Variants in VAT1L observed in about 807,000 individuals in gnomAD.
VAT1L encodes putative NADPH-dependent quinone oxidoreductase VAT1L.
In VAT1L, 34 loss-of-function variants were observed where a neutral mutation model predicts 44.1. That is an observed-to-expected ratio of 0.77 (90% confidence interval 0.59 to 1.03). VAT1L has a LOEUF of 1.03. VAT1L is among the 50% of genes least tolerant of loss of function. The pLI is 0.00. For missense variants in VAT1L, 615 were observed against 538.8 expected, an observed-to-expected ratio of 1.14 and a Z score of -1.40; for synonymous variants, 253 against 202.2, an observed-to-expected ratio of 1.25 and a Z score of -2.13.
At chr16:77,936,658 C>T (rs527454086) in intron 7 of VAT1L, among the ~76,000 whole-genome samples, 80 of 152,290 alleles carry the variant, frequency 5.3e-4, no homozygotes, top group Non-Finnish European at 9.3e-4. Flanking sequence ...CACTTCCTGC[C>T]TCACAGTTTG....
intron 4 of VAT1L, among the ~76,000 whole-genome samples, chr16:77,867,172 A>G (rs2016983586): frequency 6.6e-6 from 1 of 152,112 alleles, no homozygotes; most frequent in African/African-American, 2.4e-5. Context: ...GAGGTGTGTG[A>G]GTCTGTCAGC....
At chr16:77,799,336 C>T (rs1164201833) in intron 1 of VAT1L, among the ~76,000 whole-genome samples, 8 of 150,824 alleles carry the variant, frequency 5.3e-5, no homozygotes, top group Non-Finnish European at 3.0e-5. Flanking sequence ...TTTTCTCCCT[C>T]CCACTTTCTC....
intron 3 of VAT1L, among the ~76,000 whole-genome samples, chr16:77,856,875 C>T (rs1177952885): frequency 6.6e-6 from 1 of 152,234 alleles, no homozygotes; most frequent in Non-Finnish European, 1.5e-5. Context: ...CGGATACCTG[C>T]ATTTGACTTC....
At chr16:77,932,878 G>T (rs397225) in intron 7 of VAT1L, among the ~76,000 whole-genome samples, 1 of 152,188 alleles carries the variant, frequency 6.6e-6, no homozygotes, top group Non-Finnish European at 1.5e-5. Flanking sequence ...GAGATAGCTC[G>T]CAGGAGAATG....
At chr16:77,972,174 A>G (rs1349459778) in intron 8 of VAT1L, among the ~76,000 whole-genome samples, 1 of 152,214 alleles carries the variant, frequency 6.6e-6, no homozygotes, top group Admixed American at 6.5e-5. Context: ...CATAGGCAGG[A>G]AAGCATAGCA....
At chr16:77,854,014 G>A (rs971912795) in intron 3 of VAT1L, among the ~76,000 whole-genome samples, 3 of 151,982 alleles carry the variant, frequency 2.0e-5, no homozygotes, top group African/African-American at 7.3e-5. Context: ...TGTAGTCCCA[G>A]CTACTTGAGC....
chr16:77,792,640 T>C (rs1259654979), intron 1 of VAT1L, among the ~76,000 whole-genome samples: 1 of 151,976 alleles, frequency 6.6e-6, no homozygotes, highest in African/African-American at 2.4e-5. Context: ...TGAGCAAAAT[T>C]CTCTAGGGAA....
intron 7 of VAT1L, among the ~76,000 whole-genome samples, chr16:77,912,383 G>A (rs372040372): frequency 1.3e-5 from 2 of 152,222 alleles, no homozygotes; most frequent in African/African-American, 4.8e-5. Context: ...ATGGGAAAAT[G>A]TTAATAATGG....
chr16:77,916,354 C>T (rs372222306), intron 7 of VAT1L, among the ~76,000 whole-genome samples: 5 of 152,298 alleles, frequency 3.3e-5, no homozygotes, highest in African/African-American at 1.2e-4. Context: ...TTCAGAAGAT[C>T]AGAATTCAGG....
In VAT1L at chr16:77,977,970, G is replaced by C; in HGVS notation, c.*275G>C. On this transcript the variant is annotated 3_prime_UTR_variant, in exon 9 of 9. Transcript: ENST00000302536. ...CTGTGGGTTCTTCTTGACAGTTCTAGAACAGCCTTGCAAATTAATACAAGT... is the reference window on the plus strand; with the variant it reads ...CTGTGGGTTCTTCTTGACAGTTCTACAACAGCCTTGCAAATTAATACAAGT... 1 of 350,864 alleles carries C rather than the reference G, an allele frequency of 2.9e-6. No homozygotes were observed. The highest frequency in any genetic ancestry group is 2.1e-5 in the African/African-American group (1 of 47,352). The allele number at this position is 350,864 out of a possible 1,614,324, so 21.7% of individuals were successfully genotyped here. A position where few individuals can be genotyped will look rare whatever the true frequency, so the allele number is the denominator to read the frequency against.
intron 7 of VAT1L, among the ~76,000 whole-genome samples, chr16:77,902,270 A>G (rs79009828): frequency 0.081 from 12,261 of 152,286 alleles, 648 homozygotes; most frequent in South Asian, 0.17. Context: ...GGTAATATTC[A>G]TTTCTGAGTA....
chr16:77,803,096 C>T (rs1315541253), intron 1 of VAT1L, among the ~76,000 whole-genome samples: 2 of 152,192 alleles, frequency 1.3e-5, no homozygotes, highest in Admixed American at 6.5e-5. Flanking sequence ...AAGCACTGAA[C>T]ATTGAAAGGT....
At chr16:77,841,864 A>G (rs756838695) in intron 3 of VAT1L, among the ~76,000 whole-genome samples, 3 of 151,862 alleles carry the variant, frequency 2.0e-5, no homozygotes, top group Non-Finnish European at 4.4e-5. Flanking sequence ...CCATCAGGAG[A>G]AGCTACCAAG....
At chr16:77,825,944 A>C (rs925780583) in intron 3 of VAT1L, among the ~76,000 whole-genome samples, 6 of 148,364 alleles carry the variant, frequency 4.0e-5, no homozygotes, top group Admixed American at 6.8e-5. Flanking sequence ...AATGGCGTGA[A>C]CCCGGGAGGC....
In VAT1L at chr16:77,836,578, GAT is replaced by G. The variant is rs536196736; in HGVS notation, c.579+11120_579+11121del. Among the ~76,000 whole-genome samples the G allele has an allele frequency of 7.2e-5, 11 of 152,276 alleles. No individual in the cohort carries two copies. In the East Asian group the frequency reaches 2.1e-3, roughly 29 times the overall value. On this transcript the variant is annotated intron_variant, in intron 3 of 8. Transcript: ENST00000302536. ...TCCAAAATGTCAGAGACATTTCTGA[GAT>G]ATGTTGTGGAACGAGGGCCCCGCCT...
chr16:77,912,987 C>T (rs539122637), intron 7 of VAT1L, among the ~76,000 whole-genome samples: 19 of 152,072 alleles, frequency 1.2e-4, no homozygotes, highest in African/African-American at 4.1e-4. Flanking sequence ...CTAAACTTAA[C>T]GCCCTCCCAA....
chr16:77,825,610 T>C (rs1597053449), intron 3 of VAT1L, 149 bp downstream of exon 3: 5 of 939,940 alleles, frequency 5.3e-6, no homozygotes, highest in Admixed American at 2.3e-5. Flanking sequence ...AAAGCCCATA[T>C]AGATGATTGC....
intron 3 of VAT1L, among the ~76,000 whole-genome samples, chr16:77,851,926 T>G (rs1174275881): frequency 3.9e-5 from 6 of 152,122 alleles, no homozygotes; most frequent in Admixed American, 1.3e-4. Flanking sequence ...CTGTCCTTCT[T>G]GTACATTTGA....
chr16:77,881,139 G>A (rs187454328), intron 6 of VAT1L, among the ~76,000 whole-genome samples: 1 of 152,172 alleles, frequency 6.6e-6, no homozygotes. Flanking sequence ...GGGTCAAATG[G>A]TAGGAACTTT....
Sources: gnomAD v4.1 joint callset for allele counts (sites outside exome capture counted in the v4.1 genomes callset) on GRCh38, gnomAD v4.1.1 for gene constraint, MANE v1.5 for transcripts, NCBI Gene and HGNC (gene_info 2026-07-23, HGNC 2026-07-21) for gene names.